TULP4: variants seen among roughly 807,000 people sequenced by gnomAD.
TULP4 encodes the protein tubby-related protein 4.
In TULP4, 16 loss-of-function variants were observed where a neutral mutation model predicts 129.0. That is an observed-to-expected ratio of 0.12 (90% CI 0.08 to 0.19). The LOEUF (loss-of-function observed/expected upper bound fraction) is 0.19, where lower values mean the gene tolerates loss of function less well. Among genes scored for constraint, TULP4 ranks in the 10% least tolerant of loss-of-function variants. The pLI is 1.00. For synonymous variants in TULP4, 998 were observed against 854.0 expected (o/e 1.17, Z -2.94); for missense variants, 1,842 against 2,059.1 (o/e 0.89, Z 2.04).
intron 1 of TULP4, among the ~76,000 whole-genome samples, chr6:158,234,410 T>A (rs1777650522): frequency 6.6e-6 from 1 of 152,236 alleles, no homozygotes; most frequent in Admixed American, 6.5e-5. Flanking sequence ...TATAGGACAG[T>A]GGGAAGCCCA....
At chr6:158,426,496 T>C (rs985067357) in intron 2 of TULP4, among the ~76,000 whole-genome samples, 1 of 152,006 alleles carries the variant, frequency 6.6e-6, no homozygotes, top group Non-Finnish European at 1.5e-5. Context: ...CCGTTGTTTG[T>C]TTTTGTCAGC....
Position 158,501,834 on chromosome 6 carries a change from T to C in TULP4, c.2171T>C (p.Leu724Pro). Residue 724 changes from leucine to proline, a missense_variant, in exon 13 of 14, where the codon CTG becomes CCG. By Grantham distance (98) the Leu-to-Pro change is moderately conservative. Transcript: ENST00000367097. ...AATCAGAATGTGCAGCTAGATGTCCTGACCAACCAGACGACAGCTGTAGGG... is the reference window on the plus strand; with the variant it reads ...AATCAGAATGTGCAGCTAGATGTCCCGACCAACCAGACGACAGCTGTAGGG... ...LANQNVQLDV[L>P]TNQTTAVGTA... The C allele has an allele frequency of 1.2e-6, 2 of 1,614,138 alleles. No homozygotes were observed. The highest frequency in any genetic ancestry group is 8.5e-7 in the Non-Finnish European group (1 of 1,180,026).
At chr6:158,242,407 G>T in intron 1 of TULP4, 1 of 1,362,552 alleles carries the variant, frequency 7.3e-7, no homozygotes, top group Non-Finnish European at 1.0e-6. Flanking sequence ...TAAGCATCGT[G>T]GGAGTTTCGG....
intron 1 of TULP4, among the ~76,000 whole-genome samples, chr6:158,297,287 C>T (rs1305623399): frequency 6.6e-6 from 1 of 152,148 alleles, no homozygotes; most frequent in Non-Finnish European, 1.5e-5. Flanking sequence ...CTGCCTGACC[C>T]CGCAGGCAGT....
intron 1 of TULP4, among the ~76,000 whole-genome samples, chr6:158,286,914 T>G (rs1290297259): frequency 6.6e-6 from 1 of 152,200 alleles, no homozygotes; most frequent in Non-Finnish European, 1.5e-5. Flanking sequence ...GTTCATCTCT[T>G]TATTCTTTTG....
At chr6:158,297,262 A>G (rs979838374) in intron 1 of TULP4, among the ~76,000 whole-genome samples, 1 of 152,210 alleles carries the variant, frequency 6.6e-6, no homozygotes, top group Non-Finnish European at 1.5e-5. Flanking sequence ...GCAAGAAGAA[A>G]AATATGGCTG....
chr6:158,483,437 A>G lies in TULP4; in HGVS notation c.1486+2148A>G, dbSNP rs533149871. On this transcript the variant is annotated intron_variant, in intron 8 of 13. Transcript: ENST00000367097. ...AGCCTTGACCTCCCAGGTTCAAGCG[A>G]TCCTCCCACCTCAGCCTCCTGGGCA... Among the ~76,000 whole-genome samples the G allele has an allele frequency of 2.3e-4, 35 of 152,180 alleles. No homozygotes were observed. The East Asian group carries it at 6.4e-3, about 28-fold the overall frequency.
intron 3 of TULP4, chr6:158,437,701 A>G (rs1197756844): frequency 6.6e-6 from 1 of 152,254 alleles, no homozygotes; most frequent in Non-Finnish European, 1.5e-5. Flanking sequence ...AGAATAATTC[A>G]TTCACTTTTA....
chr6:158,419,419 AAG>A (rs1425640056), intron 2 of TULP4, among the ~76,000 whole-genome samples: 1 of 152,216 alleles, frequency 6.6e-6, no homozygotes, highest in African/African-American at 2.4e-5. Context: ...TAAGATTAAA[AAG>A]AAACACAATG....
At chr6:158,328,570 T>C (rs1228597950) in intron 1 of TULP4, among the ~76,000 whole-genome samples, 2 of 152,318 alleles carry the variant, frequency 1.3e-5, no homozygotes, top group African/African-American at 2.4e-5. Flanking sequence ...ACATCTCATA[T>C]GGCTCAGCAG....
At chr6:158,320,717 C>T (rs1197661086) in intron 1 of TULP4, among the ~76,000 whole-genome samples, 2 of 152,228 alleles carry the variant, frequency 1.3e-5, no homozygotes, top group African/African-American at 4.8e-5. Flanking sequence ...CAGGCCTGAG[C>T]CACCATGCCC....
At chr6:158,335,412 T>C (rs1780010532) in intron 1 of TULP4, among the ~76,000 whole-genome samples, 1 of 151,468 alleles carries the variant, frequency 6.6e-6, no homozygotes, top group Non-Finnish European at 1.5e-5. Context: ...CAGTTGTTTT[T>C]GTTTCAGTTT....
At chr6:158,412,678 C>G (rs994499536) in intron 1 of TULP4, among the ~76,000 whole-genome samples, 8 of 152,178 alleles carry the variant, frequency 5.3e-5, no homozygotes, top group Non-Finnish European at 1.2e-4. Flanking sequence ...ACCCTTTCCT[C>G]TTTCCATACT....
intron 4 of TULP4, 71 bp from the exon 5 acceptor site, chr6:158,452,063 T>C: frequency 1.3e-6 from 2 of 1,584,760 alleles, no homozygotes; most frequent in African/African-American, 1.3e-5. Context: ...CCATGCAAGA[T>C]TTCAGCTTTG....
Position 158,479,848 on chromosome 6 carries a change from C to T in TULP4, c.1124C>T (p.Ser375Phe). The T allele has an allele frequency of 6.2e-7, 1 of 1,614,014 alleles. No individual in the cohort carries two copies. Among genetic ancestry groups the T allele is most frequent in the Non-Finnish European group, 8.5e-7 (1 of 1,180,034 alleles). ...LYVVRVEHRV[S>F]SLQLLCQQAI... ...GTGGTGCGTGTGGAGCACCGGGTGTCCAGCCTGCAGCTGCTGTGCCAGCAG... is the reference window on the plus strand; with the variant it reads ...GTGGTGCGTGTGGAGCACCGGGTGTTCAGCCTGCAGCTGCTGTGCCAGCAG... Residue 375 changes from serine (S) to phenylalanine (F), a missense_variant, in exon 7 of 14, where the codon TCC (serine) becomes TTC (phenylalanine). Coordinates refer to ENST00000367097, the MANE Select transcript of TULP4 (RefSeq NM_020245.5).
chr6:158,276,034 A>G (rs887329445), intron 1 of TULP4, among the ~76,000 whole-genome samples: 2 of 152,070 alleles, frequency 1.3e-5, no homozygotes, highest in East Asian at 1.9e-4. Flanking sequence ...CAGTGGTGCA[A>G]CCTCAACTCA....
intron 1 of TULP4, among the ~76,000 whole-genome samples, chr6:158,410,395 CCT>C (rs1778069663): frequency 6.6e-6 from 1 of 152,128 alleles, no homozygotes; most frequent in African/African-American, 2.4e-5. Context: ...TAGCCTCTCT[CCT>C]CTGGAGTATG....
intron 1 of TULP4, among the ~76,000 whole-genome samples, chr6:158,266,088 C>CATTCTCT (rs1206324080): frequency 2.0e-5 from 3 of 152,188 alleles, no homozygotes; most frequent in Non-Finnish European, 1.5e-5. Flanking sequence ...AACTCTTAAG[C>CATTCTCT]ATAGCATTCT....
intron 1 of TULP4, among the ~76,000 whole-genome samples, chr6:158,244,878 A>G (rs1777998065): frequency 6.6e-6 from 1 of 152,072 alleles, no homozygotes; most frequent in Non-Finnish European, 1.5e-5. Context: ...AACATAAAAG[A>G]AACAAAATAA....
Sources: allele counts gnomAD v4.1 joint callset (sites outside exome capture counted in the v4.1 genomes callset), GRCh38; gene constraint gnomAD v4.1.1; transcripts MANE v1.5; gene names NCBI Gene and HGNC (gene_info 2026-07-23, HGNC 2026-07-21).